The following GATAD2A variants were observed in gnomAD, a reference collection of about 807,000 sequenced individuals.
GATAD2A encodes transcriptional repressor p66-alpha.
A neutral mutation model predicts 68.5 loss-of-function variants in GATAD2A; 12 were observed. The observed-to-expected ratio is 0.18, with a 90% CI of 0.11 to 0.28. The LOEUF is 0.28. GATAD2A is among the 10% of genes least tolerant of loss of function. GATAD2A has a pLI of 1.00. For missense variants in GATAD2A, 755 were observed against 868.5 expected, an observed-to-expected ratio of 0.87 and a Z score of 1.64; for synonymous variants, 410 against 375.3, an observed-to-expected ratio of 1.09 and a Z score of -1.07.
At chr19:19,400,681 T>A (rs1349771107), upstream of GATAD2A, among the ~76,000 whole-genome samples, 2 of 152,112 alleles carry the variant, frequency 1.3e-5, no homozygotes, top group African/African-American at 4.8e-5. Flanking sequence ...AATTAATCTT[T>A]TCTTTTCTTT....
chr19:19,483,222 A>G (rs1300131849), intron 2 of GATAD2A, among the ~76,000 whole-genome samples: 1 of 152,222 alleles, frequency 6.6e-6, no homozygotes, highest in Non-Finnish European at 1.5e-5. Flanking sequence ...TGGGCCAGCC[A>G]CACAGACTCT....
intron 1 of GATAD2A, among the ~76,000 whole-genome samples, chr19:19,416,033 A>G (rs1300876233): frequency 6.6e-6 from 1 of 151,926 alleles, no homozygotes; most frequent in Non-Finnish European, 1.5e-5. Context: ...GATCACAATC[A>G]CTATAGCCTC....
chr19:19,492,255 C>G (rs2059846598), intron 2 of GATAD2A, 51 bp from the exon 3 acceptor site: 1 of 1,562,080 alleles, frequency 6.4e-7, no homozygotes, highest in Non-Finnish European at 8.7e-7. Context: ...GGGGTGGGCA[C>G]TGGGTCCAGC....
intron 1 of GATAD2A, among the ~76,000 whole-genome samples, chr19:19,462,544 G>C (rs891544836): frequency 3.3e-5 from 5 of 152,242 alleles, no homozygotes; most frequent in African/African-American, 1.2e-4. Flanking sequence ...CCTGGGATTG[G>C]CAGAGTTCCA....
At position 19,399,867 on chromosome 19, in the gene GATAD2A, G is replaced by A. The variant is rs538937094; in HGVS notation, c.-7+13729G>A. On this transcript the variant is annotated intron_variant, in intron 1 of 11. Coordinates refer to the GATAD2A transcript ENST00000360315. ...GAGTAGGGTGTGAAATAGATGCCAA[G>A]TTTTAAAAATACGTTTTTCTGCATG... Among the ~76,000 whole-genome samples the A allele has an allele frequency of 1.7e-4, 26 of 152,254 alleles. 1 individual carries two copies. The South Asian group carries it at 4.8e-3, about 28-fold the overall frequency.
intron 1 of GATAD2A, among the ~76,000 whole-genome samples, chr19:19,444,450 T>G (rs1175732092): frequency 6.6e-6 from 1 of 152,136 alleles, no homozygotes; most frequent in African/African-American, 2.4e-5. Flanking sequence ...CAGCTCCCAG[T>G]AGGAGGCCTA....
chr19:19,506,129 G>A lies in GATAD2A; in HGVS notation c.*655G>A, dbSNP rs376625442. Reference sequence around the variant, plus strand: ...AGCCCCTGGCAGGGACGGCCGGCCCGCCCCCGTGACTGACTGACAGATGCA... The same window carrying A: ...AGCCCCTGGCAGGGACGGCCGGCCCACCCCCGTGACTGACTGACAGATGCA... On this transcript the variant is annotated 3_prime_UTR_variant, in exon 12 of 12. Transcript: ENST00000683918. 8 of 398,970 alleles carry A rather than the reference G, an allele frequency of 2.0e-5. No individual in the cohort carries two copies. The highest frequency in any genetic ancestry group is 4.4e-5 in the Admixed American group (1 of 22,722). 24.7% of individuals were successfully genotyped at this position (398,970 alleles called of 1,614,324 possible).
upstream of GATAD2A, among the ~76,000 whole-genome samples, chr19:19,401,652 A>C (rs2049765008): frequency 6.6e-6 from 1 of 151,806 alleles, no homozygotes; most frequent in Non-Finnish European, 1.5e-5. Flanking sequence ...GTGGTCTCTC[A>C]GTTGTCGATC....
chr19:19,429,123 G>A (rs1024465322), intron 1 of GATAD2A: 1 of 883,988 alleles, frequency 1.1e-6, no homozygotes, highest in Non-Finnish European at 1.4e-6. Context: ...GTGCCCACGT[G>A]GGTGTTAGAT....
In GATAD2A at chr19:19,398,933, C is replaced by T. The variant is rs912947243; in HGVS notation, c.-7+12795C>T. 2.0e-5 allele frequency among the ~76,000 whole-genome samples: 3 copies of T among 152,262 alleles called. No individual in the cohort carries two copies. The East Asian group carries it at 5.8e-4, about 30-fold the overall frequency. Reference sequence around the variant, plus strand: ...AATTAGCTGGGCACAGTGGCGGGCGCCTGTAATCCCAGCTACTTGGGAGGC... The same window carrying T: ...AATTAGCTGGGCACAGTGGCGGGCGTCTGTAATCCCAGCTACTTGGGAGGC... On this transcript the variant is annotated intron_variant, in intron 1 of 11. Transcript: ENST00000360315.
chr19:19,466,931 G>A (rs1368309484), intron 2 of GATAD2A, among the ~76,000 whole-genome samples: 1 of 152,234 alleles, frequency 6.6e-6, no homozygotes, highest in Non-Finnish European at 1.5e-5. Flanking sequence ...GGCAGGAAGA[G>A]GAGGAGTCCA....
At chr19:19,491,984 G>A (rs567740672) in intron 2 of GATAD2A, among the ~76,000 whole-genome samples, 57 of 152,356 alleles carry the variant, frequency 3.7e-4, no homozygotes, top group Non-Finnish European at 5.4e-4. Flanking sequence ...CGAGGCACAC[G>A]GTAGAGGGAG....
intron 2 of GATAD2A, among the ~76,000 whole-genome samples, chr19:19,491,154 C>T (rs564751367): frequency 3.3e-5 from 5 of 152,262 alleles, no homozygotes; most frequent in South Asian, 2.1e-4. Flanking sequence ...GCACTTGTCT[C>T]GGAGCCTGGC....
chr19:19,506,103 C>G lies in GATAD2A; in HGVS notation c.*629C>G, dbSNP rs2060854333. 1 of 398,942 alleles carries G rather than the reference C, an allele frequency of 2.5e-6. No homozygotes were observed. Among genetic ancestry groups the G allele is most frequent in the Non-Finnish European group, 4.4e-6 (1 of 226,110 alleles). The allele number at this position is 398,942 out of a possible 1,614,324, so 24.7% of individuals were successfully genotyped here. A position where few individuals can be genotyped will look rare whatever the true frequency, so the allele number is the denominator to read the frequency against. ...GGAGGGTGGGCGGCTCATGGTGCCA[C>G]AGCCCCTGGCAGGGACGGCCGGCCC... On this transcript the variant is annotated 3_prime_UTR_variant, in exon 12 of 12. Coordinates refer to ENST00000683918, the MANE Select transcript of GATAD2A (RefSeq NM_001384528.1).
intron 1 of GATAD2A, among the ~76,000 whole-genome samples, chr19:19,451,439 G>GT (rs1002789374): frequency 2.8e-4 from 42 of 152,196 alleles, no homozygotes; most frequent in African/African-American, 9.9e-4. Context: ...TTCCTTCTGA[G>GT]TTCACGCATT....
intron 2 of GATAD2A, among the ~76,000 whole-genome samples, chr19:19,467,155 C>A (rs995306211): frequency 3.3e-5 from 5 of 152,178 alleles, no homozygotes; most frequent in African/African-American, 1.2e-4. Context: ...GCGGGTGGAT[C>A]ACAAGGTCAG....
intron 1 of GATAD2A, among the ~76,000 whole-genome samples, chr19:19,419,431 T>A (rs897184837): frequency 6.6e-6 from 1 of 152,102 alleles, no homozygotes; most frequent in African/African-American, 2.4e-5. Flanking sequence ...CCTGGGAGTT[T>A]CTAGCAATTC....
At chr19:19,421,045 T>C (rs998500988) in intron 1 of GATAD2A, among the ~76,000 whole-genome samples, 1 of 152,208 alleles carries the variant, frequency 6.6e-6, no homozygotes, top group Admixed American at 6.5e-5. Context: ...TAGCGGTAAC[T>C]TTCTCCGTTG....
At chr19:19,458,074 T>TA (rs1426302483) in intron 1 of GATAD2A, among the ~76,000 whole-genome samples, 3 of 152,196 alleles carry the variant, frequency 2.0e-5, no homozygotes, top group Non-Finnish European at 4.4e-5. Context: ...TCCATCCTGA[T>TA]AACATGAGAG....
Sources: gnomAD v4.1 joint callset for allele counts (sites outside exome capture counted in the v4.1 genomes callset) on GRCh38, gnomAD v4.1.1 for gene constraint, MANE v1.5 for transcripts, NCBI Gene and HGNC (gene_info 2026-07-23, HGNC 2026-07-21) for gene names.